Variants in SEMA3C observed in about 807,000 individuals in gnomAD.
The protein encoded by SEMA3C is semaphorin-3C.
SEMA3C carries 47 observed loss-of-function variants against 89.4 expected under a neutral mutation model. That is an observed-to-expected ratio of 0.53 (90% CI 0.42 to 0.67). The LOEUF (loss-of-function observed/expected upper bound fraction) is 0.67. Ranked by LOEUF, SEMA3C falls within the 30% of genes least tolerant of loss-of-function variation. SEMA3C has a pLI of 0.00. For missense variants in SEMA3C, 839 were observed against 929.1 expected, an observed-to-expected ratio of 0.90 and a Z score of 1.26; for synonymous variants, 310 against 320.2, an observed-to-expected ratio of 0.97 and a Z score of 0.34.
rs1268902854 is a variant in SEMA3C, at chr7:80,748,881, T to C, written c.1842+17A>G. ...CTCTGAAGCCCTGATGGATTGCTGCTGTGCTGCTTTACTCACCTCTTTCCT... is the reference window on the plus strand; with the variant it reads ...CTCTGAAGCCCTGATGGATTGCTGCCGTGCTGCTTTACTCACCTCTTTCCT... On this transcript the variant is annotated intron_variant, in intron 17 of 17. Coordinates refer to ENST00000265361, the MANE Select transcript of SEMA3C (RefSeq NM_006379.5). The C allele has an allele frequency of 1.9e-6, 3 of 1,602,236 alleles. No individual in the cohort carries two copies. The South Asian group carries it at 3.4e-5, about 18-fold the overall frequency.
chr7:80,789,472 A>G lies in SEMA3C; in HGVS notation c.1188T>C (p.Asp396=). 6.2e-7 allele frequency: 1 copy of G among 1,614,062 alleles called. No homozygotes were observed. Among genetic ancestry groups the G allele is most frequent in the Non-Finnish European group, 8.5e-7 (1 of 1,179,972 alleles). ...GATGGTTCCGAATAAAAGTGACAAC[A>G]TCATCTGGGAACTCCTTGGTGGTTC... ...NMRTTKEFPD[D]VVTFIRNHPL... Residue 396 remains aspartate (D), a synonymous_variant, in exon 12 of 18, where the codon GAT becomes GAC. Transcript: ENST00000265361.
chr7:80,771,709 T>C (rs983562982), intron 12 of SEMA3C, among the ~76,000 whole-genome samples: 1 of 152,166 alleles, frequency 6.6e-6, no homozygotes, highest in African/African-American at 2.4e-5. Context: ...CCCTGGAAAC[T>C]CATGTGCCAA....
At chr7:80,865,542 C>T (rs1412624680) in intron 2 of SEMA3C, among the ~76,000 whole-genome samples, 3 of 152,094 alleles carry the variant, frequency 2.0e-5, no homozygotes, top group Non-Finnish European at 4.4e-5. Flanking sequence ...AATCCTAGCA[C>T]TTTGGGAGGC....
intron 12 of SEMA3C, among the ~76,000 whole-genome samples, chr7:80,783,057 T>G (rs943630761): frequency 2.6e-5 from 4 of 152,168 alleles, no homozygotes; most frequent in Non-Finnish European, 5.9e-5. Context: ...TGTCTATATC[T>G]TTATACAATC....
intron 2 of SEMA3C, among the ~76,000 whole-genome samples, chr7:80,906,968 G>C (rs183844681): frequency 6.6e-6 from 1 of 151,916 alleles, no homozygotes; most frequent in Non-Finnish European, 1.5e-5. Flanking sequence ...ATAACCAAAG[G>C]TTATAATACT....
intron 12 of SEMA3C, among the ~76,000 whole-genome samples, chr7:80,784,867 G>A (rs1209916373): frequency 6.6e-6 from 1 of 151,988 alleles, no homozygotes; most frequent in East Asian, 1.9e-4. Context: ...CATTATTAGT[G>A]TATGTACCAT....
At chr7:80,875,117 CTTCCTCATAGGTTGTTTT>C (rs1214650882) in intron 2 of SEMA3C, among the ~76,000 whole-genome samples, 1 of 151,562 alleles carries the variant, frequency 6.6e-6, no homozygotes, top group Non-Finnish European at 1.5e-5. Flanking sequence ...AAAAAAACAC[CTTCCTCATAGGTTGTTTT>C]TTCCTCATAG....
chr7:80,922,021 A>G (rs931710738), upstream of SEMA3C, among the ~76,000 whole-genome samples: 4 of 152,204 alleles, frequency 2.6e-5, no homozygotes, highest in African/African-American at 9.7e-5. Context: ...TCAGAGGTTA[A>G]AAATTGTCTT....
intron 17 of SEMA3C, among the ~76,000 whole-genome samples, chr7:80,747,468 T>A (rs1204226895): frequency 6.6e-6 from 1 of 152,172 alleles, no homozygotes; most frequent in East Asian, 1.9e-4. Context: ...CCAATTCACA[T>A]ATATACATAT....
In SEMA3C at chr7:80,766,750, G is replaced by T. The variant is rs1306108852; in HGVS notation, c.1355-1507C>A. On this transcript the variant is annotated intron_variant, in intron 12 of 17. Transcript: ENST00000265361. ...AAACACCTGAAACTGGTGATCAGCA[G>T]CTTCCCAGTAAGATCTCAGGAGCTG... 2.0e-5 allele frequency among the ~76,000 whole-genome samples: 3 copies of T among 152,332 alleles called. No individual in the cohort carries two copies. In the South Asian group the frequency reaches 6.2e-4, roughly 32 times the overall value.
At chr7:80,865,314 A>G (rs1790899591) in intron 2 of SEMA3C, among the ~76,000 whole-genome samples, 1 of 152,178 alleles carries the variant, frequency 6.6e-6, no homozygotes, top group Admixed American at 6.5e-5. Context: ...ATACAATTAG[A>G]CTTAATAACA....
At chr7:80,866,159 C>T (rs1790921975) in intron 2 of SEMA3C, among the ~76,000 whole-genome samples, 1 of 152,046 alleles carries the variant, frequency 6.6e-6, no homozygotes, top group Admixed American at 6.6e-5. Flanking sequence ...GCATAAAACT[C>T]TATTATATAA....
intron 2 of SEMA3C, among the ~76,000 whole-genome samples, chr7:80,914,545 C>T (rs186224157): frequency 1.5e-4 from 23 of 152,172 alleles, no homozygotes; most frequent in African/African-American, 1.9e-4. Context: ...AGTTACCAAT[C>T]GTGCAATTTT....
At chr7:80,774,004 G>A (rs1383903742) in intron 12 of SEMA3C, among the ~76,000 whole-genome samples, 1 of 152,186 alleles carries the variant, frequency 6.6e-6, no homozygotes, top group African/African-American at 2.4e-5. Context: ...AAGAAAGGCT[G>A]AGATTTTAAA....
At chr7:80,820,002 G>T (rs1382452805) in intron 4 of SEMA3C, among the ~76,000 whole-genome samples, 1 of 150,774 alleles carries the variant, frequency 6.6e-6, no homozygotes, top group East Asian at 1.9e-4. Flanking sequence ...TTTTCCCTGG[G>T]TGGTCAGAAA....
intron 5 of SEMA3C, among the ~76,000 whole-genome samples, chr7:80,816,989 G>A (rs1256561338): frequency 6.6e-6 from 1 of 152,196 alleles, no homozygotes; most frequent in East Asian, 1.9e-4. Flanking sequence ...AGACTTCAGG[G>A]AAGTGTCTGA....
At chr7:80,895,422 T>G (rs938512901) in intron 2 of SEMA3C, among the ~76,000 whole-genome samples, 1 of 152,196 alleles carries the variant, frequency 6.6e-6, no homozygotes, top group African/African-American at 2.4e-5. Context: ...CTATGTAAAC[T>G]GACAGTGCAA....
intron 15 of SEMA3C, among the ~76,000 whole-genome samples, chr7:80,753,557 G>T (rs959362419): frequency 6.6e-6 from 1 of 152,148 alleles, no homozygotes; most frequent in Admixed American, 6.5e-5. Flanking sequence ...CATGAGATCA[G>T]CAAGGCAGCC....
intron 5 of SEMA3C, among the ~76,000 whole-genome samples, chr7:80,812,800 T>C (rs1450841045): frequency 6.6e-6 from 1 of 152,096 alleles, no homozygotes; most frequent in Non-Finnish European, 1.5e-5. Context: ...TTTGTTTGTC[T>C]TTTAAAGACA....
Sources: allele counts gnomAD v4.1 joint callset (sites outside exome capture counted in the v4.1 genomes callset), GRCh38; gene constraint gnomAD v4.1.1; transcripts MANE v1.5; gene names NCBI Gene and HGNC (gene_info 2026-07-23, HGNC 2026-07-21).